Variants in IRF2 observed in about 807,000 individuals in gnomAD.
The protein encoded by IRF2 is interferon regulatory factor 2.
In IRF2, 15 loss-of-function variants were observed where a neutral mutation model predicts 40.6. That is an observed-to-expected ratio of 0.37 (90% CI 0.25 to 0.57). The LOEUF (loss-of-function observed/expected upper bound fraction) is 0.57. Among genes scored for constraint, IRF2 ranks in the 20% least tolerant of loss-of-function variants. The pLI, the probability that IRF2 is intolerant of heterozygous loss-of-function variation, is 0.77. For synonymous variants in IRF2, 151 were observed against 165.5 expected (o/e 0.91, Z 0.67); for missense variants, 317 against 455.7 (o/e 0.70, Z 2.77).
Position 184,408,355 on chromosome 4 carries a change from T to G in IRF2, c.412-80A>C. The G allele has an allele frequency of 5.7e-6, 5 of 869,644 alleles. No homozygotes were observed. Among genetic ancestry groups the G allele is most frequent in the Non-Finnish European group, 9.7e-6 (5 of 516,184 alleles). 53.9% of individuals were successfully genotyped at this position (869,644 alleles called of 1,614,324 possible). On this transcript the variant is annotated intron_variant, in intron 5 of 8. Transcript: ENST00000393593. This position sits in a 1 kb window ranked among gnomAD's most constrained non-coding sequence, Gnocchi z 4.9. ...CTTAGCTGAAATTCTACCCTCTGCCTACTTTCTTTAATGCTAGGGTCATTC... is the reference window on the plus strand; with the variant it reads ...CTTAGCTGAAATTCTACCCTCTGCCGACTTTCTTTAATGCTAGGGTCATTC...
At chr4:184,463,683 C>T (rs1042184714) in intron 1 of IRF2, among the ~76,000 whole-genome samples, 6 of 151,682 alleles carry the variant, frequency 4.0e-5, no homozygotes, top group Non-Finnish European at 8.8e-5. Context: ...GGCTGTGGTA[C>T]GGCATTCAGC....
At chr4:184,464,364 T>C (rs1739249800) in intron 1 of IRF2, among the ~76,000 whole-genome samples, 1 of 151,960 alleles carries the variant, frequency 6.6e-6, no homozygotes, top group South Asian at 2.1e-4. Flanking sequence ...TAGGACCATA[T>C]ATGACATGAA....
chr4:184,441,131 T>C (rs924728667), intron 1 of IRF2, among the ~76,000 whole-genome samples: 3 of 152,194 alleles, frequency 2.0e-5, no homozygotes, highest in South Asian at 2.1e-4. Flanking sequence ...TCTTACACTG[T>C]CCTAAAGTCA....
chr4:184,413,406 A>T lies in IRF2; in HGVS notation c.411+4761T>A, dbSNP rs1435377091. ...CCTGATAACCTGCTTCACCCAGGGC[A>T]TCTCTCATCTTATCTGTTTTTCAAG... On this transcript the variant is annotated intron_variant, in intron 5 of 8. Coordinates refer to ENST00000393593, the MANE Select transcript of IRF2 (RefSeq NM_002199.4). The surrounding 1 kb of genome is among the most constrained non-coding windows in gnomAD (Gnocchi z 4.2). Among the ~76,000 whole-genome samples, 1 of 152,206 alleles carries T rather than the reference A, an allele frequency of 6.6e-6. No individual in the cohort carries two copies. The highest frequency in any genetic ancestry group is 1.5e-5 in the Non-Finnish European group (1 of 68,028).
At chr4:184,398,846 G>C in intron 7 of IRF2, 69 bp downstream of exon 7, 1 of 1,421,754 alleles carries the variant, frequency 7.0e-7, no homozygotes, top group Non-Finnish European at 9.4e-7. Flanking sequence ...GTGGTGAGAT[G>C]GGTGACCCTA....
intron 6 of IRF2, among the ~76,000 whole-genome samples, chr4:184,404,746 A>C (rs1736789044): frequency 6.6e-6 from 1 of 152,146 alleles, no homozygotes; most frequent in South Asian, 2.1e-4. Flanking sequence ...AGAGAAGATC[A>C]CCGCGGGGCC....
intron 2 of IRF2, among the ~76,000 whole-genome samples, chr4:184,420,637 C>T (rs575211336): frequency 6.6e-5 from 10 of 152,254 alleles, no homozygotes; most frequent in Admixed American, 6.5e-4. Context: ...GTAACAAAGC[C>T]GTACTCTTAG....
intron 5 of IRF2, among the ~76,000 whole-genome samples, chr4:184,417,022 T>G (rs887987946): frequency 4.6e-5 from 7 of 152,078 alleles, no homozygotes; most frequent in Non-Finnish European, 7.4e-5. Flanking sequence ...CTCCAGCCTG[T>G]GCCAATAGAG....
chr4:184,388,508 T>C lies in IRF2; in HGVS notation c.*250A>G. On this transcript the variant is annotated 3_prime_UTR_variant, in exon 9 of 9. Transcript: ENST00000393593. The surrounding 1 kb of genome is among the most constrained non-coding windows in gnomAD (Gnocchi z 4.6). The stretch of plus-strand genomic sequence containing the variant: ...GCAGCACCTCCACTGCCCTTGTTGG[T>C]CCTTGAACTTGAGTGAGTAGCCCTG... The C allele has an allele frequency of 2.0e-6, 1 of 490,596 alleles. No individual in the cohort carries two copies. Among genetic ancestry groups the C allele is most frequent in the Non-Finnish European group, 3.6e-6 (1 of 280,144 alleles). The allele number at this position is 490,596 out of a possible 1,614,324, so 30.4% of individuals were successfully genotyped here.
rs3775569 is a variant in IRF2, at chr4:184,440,605, T to C, written c.-6-11535A>G. 8.5e-5 allele frequency among the ~76,000 whole-genome samples: 13 copies of C among 152,348 alleles called. No homozygotes were observed. In the East Asian group the frequency reaches 2.5e-3, roughly 29 times the overall value. ...AGCAGATGGGCGGCTGATCGCCTCA[T>C]CTGAGCTCTCAGAGTCTCTGCCTCT... On this transcript the variant is annotated intron_variant, in intron 1 of 8. Coordinates refer to ENST00000393593, the MANE Select transcript of IRF2 (RefSeq NM_002199.4).
At chr4:184,397,096 AT>A (rs1561083551) in intron 7 of IRF2, among the ~76,000 whole-genome samples, 1 of 152,246 alleles carries the variant, frequency 6.6e-6, no homozygotes, top group Non-Finnish European at 1.5e-5. Flanking sequence ...TCCAAAACGC[AT>A]TTGCTGAATA....
intron 1 of IRF2, among the ~76,000 whole-genome samples, chr4:184,446,795 T>TA (rs963609282): frequency 1.1e-4 from 16 of 148,070 alleles, no homozygotes; most frequent in East Asian, 7.8e-4. Flanking sequence ...CTACTAAAAA[T>TA]AAAAAAAAAA....
chr4:184,437,583 A>G (rs779224958), intron 1 of IRF2, among the ~76,000 whole-genome samples: 20 of 152,206 alleles, frequency 1.3e-4, no homozygotes, highest in Admixed American at 1.3e-4. Flanking sequence ...AAGAAAGAAA[A>G]GAAAATGTCT....
intron 1 of IRF2, among the ~76,000 whole-genome samples, chr4:184,459,274 A>T (rs1739048802): frequency 6.6e-6 from 1 of 152,234 alleles, no homozygotes; most frequent in African/African-American, 2.4e-5. Context: ...TGGATTCAAA[A>T]TACAACAGAA....
intron 6 of IRF2, among the ~76,000 whole-genome samples, chr4:184,401,244 G>A (rs925129236): frequency 4.6e-5 from 7 of 152,224 alleles, no homozygotes; most frequent in African/African-American, 1.7e-4. Context: ...TTTATAAACA[G>A]GTTCCTGTTT....
chr4:184,440,608 G>C (rs1160610757), intron 1 of IRF2, among the ~76,000 whole-genome samples: 1 of 152,222 alleles, frequency 6.6e-6, no homozygotes, highest in Non-Finnish European at 1.5e-5. Context: ...CGCCTCATCT[G>C]AGCTCTCAGA....
In IRF2 at chr4:184,389,085, A is replaced by G. The variant is rs1561078186; in HGVS notation, c.742-19T>C. 1.2e-6 allele frequency: 2 copies of G among 1,611,230 alleles called. No individual in the cohort carries two copies. Among genetic ancestry groups the G allele is most frequent in the Non-Finnish European group, 1.7e-6 (2 of 1,177,648 alleles). On this transcript the variant is annotated intron_variant, in intron 8 of 8. Coordinates refer to ENST00000393593, the MANE Select transcript of IRF2 (RefSeq NM_002199.4). ...GCCGCCCCTTTCAAGAAAGTAATTA[A>G]GATATGTATTTCCTTCTCCTTCTAT...
chr4:184,400,648 C>T (rs1167092143), intron 6 of IRF2, among the ~76,000 whole-genome samples: 1 of 152,172 alleles, frequency 6.6e-6, no homozygotes, highest in Non-Finnish European at 1.5e-5. Context: ...AACTGCTTCC[C>T]GGAGTGACCG....
intron 1 of IRF2, among the ~76,000 whole-genome samples, chr4:184,445,487 CT>C (rs1738471508): frequency 6.6e-6 from 1 of 152,092 alleles, no homozygotes; most frequent in South Asian, 2.1e-4. Flanking sequence ...AAGCCCATCT[CT>C]ACTAAAATTT....
Sources: gnomAD v4.1 joint callset for allele counts (sites outside exome capture counted in the v4.1 genomes callset) on GRCh38, gnomAD v4.1.1 for gene constraint, Gnocchi (gnomAD v3.1) non-coding constraint, MANE v1.5 for transcripts, NCBI Gene and HGNC (gene_info 2026-07-23, HGNC 2026-07-21) for gene names.